Variants in EXT2 observed in about 807,000 individuals in gnomAD.
The protein encoded by EXT2 is exostosin glycosyltransferase 2.
Under a neutral mutation model 81.6 loss-of-function variants are expected in EXT2, and 53 were observed. That is an observed-to-expected ratio of 0.65 (90% confidence interval 0.52 to 0.82). The LOEUF is 0.82. EXT2 is among the 40% of genes least tolerant of loss of function. The pLI, the probability that EXT2 is intolerant of heterozygous loss-of-function variation, is 0.00. For missense variants in EXT2, 774 were observed against 910.2 expected (o/e 0.85, Z 1.93); for synonymous variants, 320 against 340.0 (o/e 0.94, Z 0.65).
chr11:44,109,650 G>A (rs1324755687), intron 3 of EXT2, among the ~76,000 whole-genome samples: 2 of 152,126 alleles, frequency 1.3e-5, no homozygotes, highest in Admixed American at 6.5e-5. Context: ...ATGTAAAAGC[G>A]ATACCCAAAG....
intron 9 of EXT2, among the ~76,000 whole-genome samples, chr11:44,198,791 T>A (rs978547550): frequency 6.6e-6 from 1 of 152,236 alleles, no homozygotes; most frequent in Non-Finnish European, 1.5e-5. Context: ...CGATAAGGTC[T>A]AGTTTATTGC....
At chr11:44,119,578 C>T (rs560017228) in intron 4 of EXT2, among the ~76,000 whole-genome samples, 5 of 152,266 alleles carry the variant, frequency 3.3e-5, no homozygotes, top group Non-Finnish European at 5.9e-5. Flanking sequence ...TTCCAGACTC[C>T]CAGAAGGAAA....
intron 10 of EXT2, among the ~76,000 whole-genome samples, chr11:44,225,193 C>T (rs1231296818): frequency 6.6e-6 from 1 of 152,162 alleles, no homozygotes; most frequent in Admixed American, 6.5e-5. Flanking sequence ...TTCTTATTAT[C>T]TCCCAAGAGA....
chr11:44,140,342 CTG>C (rs1403478306), intron 7 of EXT2, among the ~76,000 whole-genome samples: 1 of 152,224 alleles, frequency 6.6e-6, no homozygotes, highest in Non-Finnish European at 1.5e-5. Flanking sequence ...TTAGAACAGA[CTG>C]TTAACCCTCA....
chr11:44,178,726 G>GA (rs1409885969), intron 8 of EXT2, among the ~76,000 whole-genome samples: 2 of 152,008 alleles, frequency 1.3e-5, no homozygotes, highest in African/African-American at 4.8e-5. Context: ...TCTGGAATTT[G>GA]AAAGCCTACC....
intron 7 of EXT2, among the ~76,000 whole-genome samples, chr11:44,149,649 T>C (rs1051203904): frequency 3.3e-5 from 5 of 152,226 alleles, no homozygotes; most frequent in African/African-American, 1.2e-4. Flanking sequence ...TTCCCTACAT[T>C]TTTGTCATTA....
At chr11:44,190,363 A>C (rs1360986295) in intron 8 of EXT2, among the ~76,000 whole-genome samples, 2 of 152,224 alleles carry the variant, frequency 1.3e-5, no homozygotes, top group Non-Finnish European at 2.9e-5. Flanking sequence ...TAACTTCAAA[A>C]CAACCAAGAA....
At chr11:44,099,579 C>G (rs544567234) in intron 1 of EXT2, among the ~76,000 whole-genome samples, 3 of 152,158 alleles carry the variant, frequency 2.0e-5, no homozygotes, top group Admixed American at 6.5e-5. Flanking sequence ...GCCTCAGCCT[C>G]CCAAAGTGCT....
chr11:44,232,465 T>C lies in EXT2; in HGVS notation c.1775T>C (p.Met592Thr). The C allele has an allele frequency of 6.2e-7, 1 of 1,614,034 alleles. No individual in the cohort carries two copies. The highest frequency in any genetic ancestry group is 8.5e-7 in the Non-Finnish European group (1 of 1,179,934). ...TCTGAGTGGACGAATGAAGTGTCCA[T>C]GGTGCTCACTGGGGCAGCTTTTTAT... ...YESEWTNEVS[M>T]VLTGAAFYHK... Residue 592 changes from methionine to threonine, a missense_variant, in exon 11 of 14, where the codon ATG (methionine) becomes ACG (threonine). By Grantham distance (81) the Met-to-Thr change is moderately conservative. Transcript: ENST00000533608.
At chr11:44,108,587 A>G (rs974617313) in intron 2 of EXT2, among the ~76,000 whole-genome samples, 1 of 152,206 alleles carries the variant, frequency 6.6e-6, no homozygotes, top group African/African-American at 2.4e-5. Flanking sequence ...CATAATACAC[A>G]TTCACTGTAA....
Position 44,144,489 on chromosome 11 carries a change from C to T in EXT2, c.1173+14351C>T, listed in dbSNP as rs528045759. ...GCTCTTGGAGGTGCAAGCCACTGGC[C>T]GGCCTTGCCTTTGAACTCCTCATGG... On this transcript the variant is annotated intron_variant, in intron 7 of 13. Coordinates refer to ENST00000533608, the MANE Select transcript of EXT2 (RefSeq NM_207122.2). The T allele has an allele frequency of 9.7e-5, 67 of 693,996 alleles. No individual in the cohort carries two copies. In the Middle Eastern group the frequency reaches 2.4e-3, roughly 25 times the overall value. 43.0% of individuals were successfully genotyped at this position (693,996 alleles called of 1,614,324 possible).
intron 10 of EXT2, among the ~76,000 whole-genome samples, chr11:44,223,903 G>A (rs139137150): frequency 1.5e-3 from 232 of 152,116 alleles, no homozygotes; most frequent in African/African-American, 4.8e-3. Flanking sequence ...CACCCGCCTC[G>A]GCCTTCCAAA....
At chr11:44,215,937 C>T (rs977654043) in intron 10 of EXT2, among the ~76,000 whole-genome samples, 7 of 147,024 alleles carry the variant, frequency 4.8e-5, no homozygotes, top group Non-Finnish European at 1.0e-4. Context: ...ACTGCAGTGG[C>T]GCAATCTCGG....
intron 1 of EXT2, among the ~76,000 whole-genome samples, 160 bp from the exon 2 acceptor site, chr11:44,107,523 G>A (rs1301607780): frequency 6.6e-6 from 1 of 152,124 alleles, no homozygotes; most frequent in Non-Finnish European, 1.5e-5. Flanking sequence ...GGTGAAGGTT[G>A]CAGTGAGCTG....
At chr11:44,229,737 C>T (rs958420398) in intron 10 of EXT2, among the ~76,000 whole-genome samples, 6 of 152,236 alleles carry the variant, frequency 3.9e-5, no homozygotes, top group Non-Finnish European at 4.4e-5. Context: ...AGTACTGCTG[C>T]AGGCTTCCTT....
rs78573857 is a variant in EXT2 at position 44,236,985 on chromosome 11, G to A, written c.2018+610G>A. 5.5e-3 allele frequency among the ~76,000 whole-genome samples: 844 copies of A among 152,258 alleles called. 14 individuals are homozygous for A. Among genetic ancestry groups the A allele is most frequent in the African/African-American group, 0.019 (797 of 41,520 alleles). On this transcript the variant is annotated intron_variant, in intron 13 of 13. Coordinates refer to ENST00000533608, the MANE Select transcript of EXT2 (RefSeq NM_207122.2). Reference sequence around the variant, plus strand: ...AAAGAGTGGGAGATGTATGTCTTCCGTTAAGACTATACTAGACCTAAGAGT... The same window carrying A: ...AAAGAGTGGGAGATGTATGTCTTCCATTAAGACTATACTAGACCTAAGAGT...
intron 11 of EXT2, among the ~76,000 whole-genome samples, chr11:44,232,824 C>G (rs1208107086): frequency 6.6e-6 from 1 of 152,180 alleles, no homozygotes; most frequent in South Asian, 2.1e-4. Flanking sequence ...TCTCATTAGC[C>G]TGCTTTTTCA....
Position 44,178,813 on chromosome 11 carries a change from T to G in EXT2, c.1305+7071T>G, listed in dbSNP as rs538920874. ...CCTAGATATGATTAAAAAAAAAAAA[T>G]GTATGGAATTTAGAAATTTTAGCTT... is the stretch of plus-strand genomic sequence containing the variant. On this transcript the variant is annotated intron_variant, in intron 8 of 13. Coordinates refer to ENST00000533608, the MANE Select transcript of EXT2 (RefSeq NM_207122.2). Among the ~76,000 whole-genome samples the G allele has an allele frequency of 1.0e-3, 155 of 150,988 alleles. No individual in the cohort carries two copies. The Middle Eastern group carries it at 0.01, about 10-fold the overall frequency.
chr11:44,171,946 T>A (rs1590619296), intron 8 of EXT2: 1 of 693,440 alleles, frequency 1.4e-6, no homozygotes, highest in East Asian at 2.8e-5. Flanking sequence ...CAGCTTCCAG[T>A]GTGTTTTAAG....
Sources: allele counts gnomAD v4.1 joint callset (sites outside exome capture counted in the v4.1 genomes callset), GRCh38; gene constraint gnomAD v4.1.1; transcripts MANE v1.5; gene names NCBI Gene and HGNC (gene_info 2026-07-23, HGNC 2026-07-21).